Variants in PRDM5 observed in about 807,000 individuals in gnomAD.
PRDM5 encodes PR domain zinc finger protein 5.
PRDM5 carries 56 observed loss-of-function variants against 81.2 expected under a neutral mutation model. That is an observed-to-expected ratio of 0.69 (90% CI 0.56 to 0.86). The LOEUF (loss-of-function observed/expected upper bound fraction) is 0.86, where lower values mean the gene tolerates loss of function less well. PRDM5 is among the 40% of genes least tolerant of loss of function. The pLI is 0.00. For missense variants in PRDM5, 697 were observed against 770.1 expected, an observed-to-expected ratio of 0.91 and a Z score of 1.12; for synonymous variants, 267 against 256.4, an observed-to-expected ratio of 1.04 and a Z score of -0.39.
chr4:120,819,187 A>T (rs1192869254), intron 4 of PRDM5, among the ~76,000 whole-genome samples: 2 of 152,230 alleles, frequency 1.3e-5, no homozygotes, highest in Non-Finnish European at 2.9e-5. Flanking sequence ...CCTTTAGTGC[A>T]TACATATTTT....
At chr4:120,777,076 C>T in intron 13 of PRDM5, 112 bp downstream of exon 13, 12 of 1,572,866 alleles carry the variant, frequency 7.6e-6, no homozygotes, top group Non-Finnish European at 9.5e-6. Context: ...AGAAAACAGC[C>T]AAGATTAATT....
chr4:120,888,012 T>TA (rs1399651948), intron 2 of PRDM5, among the ~76,000 whole-genome samples: 3 of 132,886 alleles, frequency 2.3e-5, no homozygotes, highest in Admixed American at 2.2e-4. Context: ...CGGGATGGTC[T>TA]CGATCTCCTG....
intron 10 of PRDM5, among the ~76,000 whole-genome samples, chr4:120,788,354 T>C (rs1440919805): frequency 1.3e-5 from 2 of 152,152 alleles, no homozygotes; most frequent in Non-Finnish European, 2.9e-5. Flanking sequence ...GCCGCATACA[T>C]ATATGCACAC....
rs73843613 is a variant in PRDM5, at chr4:120,801,530, T to C, written c.946-1785A>G. On this transcript the variant is annotated intron_variant, in intron 8 of 15. Transcript: ENST00000264808. ...TCAGTTATGTAAAGCAGGGAAAAAG[T>C]AGAGAAACAAGGCAGAAGCCAAAAT... is the stretch of plus-strand genomic sequence containing the variant. Among the ~76,000 whole-genome samples the C allele has an allele frequency of 6.9e-3, 1,055 of 152,260 alleles. 13 individuals are homozygous for C. Among genetic ancestry groups the C allele is most frequent in the African/African-American group, 0.024 (1,000 of 41,538 alleles).
chr4:120,726,302 G>A (rs985538199), intron 14 of PRDM5, among the ~76,000 whole-genome samples: 1 of 152,162 alleles, frequency 6.6e-6, no homozygotes, highest in African/African-American at 2.4e-5. Context: ...CTGAATTGAG[G>A]TAATTTCCTT....
intron 15 of PRDM5, among the ~76,000 whole-genome samples, chr4:120,701,745 C>T (rs887262068): frequency 7.2e-5 from 11 of 152,016 alleles, no homozygotes; most frequent in Non-Finnish European, 1.5e-4. Context: ...TGGGATCATT[C>T]ACACCTAAAA....
downstream of PRDM5, among the ~76,000 whole-genome samples, chr4:120,691,541 C>A (rs557343238): frequency 6.6e-6 from 1 of 151,882 alleles, no homozygotes; most frequent in Non-Finnish European, 1.5e-5. Flanking sequence ...CTTTTATTAC[C>A]CTTAAATTAT....
At chr4:120,733,435 G>C (rs1344395559) in intron 14 of PRDM5, among the ~76,000 whole-genome samples, 2 of 152,126 alleles carry the variant, frequency 1.3e-5, no homozygotes, top group African/African-American at 4.8e-5. Flanking sequence ...ACACTCAGTT[G>C]GTTTGCAATG....
chr4:120,734,421 TACACACACACACAC>T (rs149559268), intron 14 of PRDM5, among the ~76,000 whole-genome samples: 1 of 138,098 alleles, frequency 7.2e-6, no homozygotes, highest in Admixed American at 7.2e-5. Flanking sequence ...CACACACAAA[TACACACACACACAC>T]ACACACACAC....
intron 3 of PRDM5, among the ~76,000 whole-genome samples, chr4:120,842,157 T>C (rs1758115564): frequency 6.6e-6 from 1 of 152,188 alleles, no homozygotes; most frequent in Non-Finnish European, 1.5e-5. Context: ...AAAAAGACTT[T>C]TGACATTAAC....
Position 120,782,686 on chromosome 4 carries a change from TTC to T in PRDM5, c.1283-1385_1283-1384del, listed in dbSNP as rs1304644810. On this transcript the variant is annotated intron_variant, in intron 11 of 15. Transcript: ENST00000264808. ...TATTCTTATACACTATCTTTATACT[TTC>T]TGTTTTATTTAAACATTCTGTTTGT... 5.3e-5 allele frequency among the ~76,000 whole-genome samples: 8 copies of T among 152,270 alleles called. No homozygotes were observed. The East Asian group carries it at 5.8e-4, about 11-fold the overall frequency.
At chr4:120,911,037 C>T (rs573269824) in intron 1 of PRDM5, among the ~76,000 whole-genome samples, 1 of 152,266 alleles carries the variant, frequency 6.6e-6, no homozygotes, top group East Asian at 1.9e-4. Context: ...GACTTCTTCA[C>T]TTCTATCTCA....
intron 1 of PRDM5, among the ~76,000 whole-genome samples, chr4:120,913,121 T>C (rs537957367): frequency 3.3e-4 from 51 of 152,352 alleles, no homozygotes; most frequent in Non-Finnish European, 4.1e-4. Context: ...TGTATCCAGG[T>C]AAAATACTAT....
chr4:120,782,117 C>T (rs1004435054), intron 11 of PRDM5, among the ~76,000 whole-genome samples: 1 of 152,098 alleles, frequency 6.6e-6, no homozygotes, highest in South Asian at 2.1e-4. Flanking sequence ...GTTTTAGTGG[C>T]CATTTTAAAT....
chr4:120,860,655 C>A (rs1760461869), intron 2 of PRDM5, among the ~76,000 whole-genome samples: 1 of 151,300 alleles, frequency 6.6e-6, no homozygotes, highest in Non-Finnish European at 1.5e-5. Context: ...CTGACATTAG[C>A]TTATTGTACC....
In PRDM5 at chr4:120,804,769, C is replaced by T. The variant is rs531021208; in HGVS notation, c.946-5024G>A. The stretch of plus-strand genomic sequence containing the variant: ...AGCAGGAAAGATCTAAAATTGACAC[C>T]CTAACTTCACAATTAAAAGAACTAG... On this transcript the variant is annotated intron_variant, in intron 8 of 15. Coordinates refer to ENST00000264808, the MANE Select transcript of PRDM5 (RefSeq NM_018699.4). Among the ~76,000 whole-genome samples the T allele has an allele frequency of 3.9e-5, 6 of 151,948 alleles. No individual in the cohort carries two copies. In the South Asian group the frequency reaches 6.2e-4, roughly 16 times the overall value.
intron 1 of PRDM5, among the ~76,000 whole-genome samples, chr4:120,918,530 C>T (rs193132060): frequency 0.068 from 10,296 of 151,864 alleles, 394 homozygotes; most frequent in East Asian, 0.15. Context: ...TTATCTGTTT[C>T]AGCTTTTTTC....
chr4:120,810,651 CAA>C (rs1490648673), intron 8 of PRDM5: 8 of 150,542 alleles, frequency 5.3e-5, no homozygotes, highest in African/African-American at 1.2e-4. Flanking sequence ...AACAAACAAA[CAA>C]GAGAATACTG....
At chr4:120,791,683 C>T (rs1750592010) in intron 10 of PRDM5, among the ~76,000 whole-genome samples, 1 of 152,174 alleles carries the variant, frequency 6.6e-6, no homozygotes, top group Non-Finnish European at 1.5e-5. Context: ...CCTGGCTCTG[C>T]CACCCAACCA....
Sources: allele counts gnomAD v4.1 joint callset (sites outside exome capture counted in the v4.1 genomes callset), GRCh38; gene constraint gnomAD v4.1.1; transcripts MANE v1.5; gene names NCBI Gene and HGNC (gene_info 2026-07-23, HGNC 2026-07-21).